Variants in PTPRR observed in about 807,000 individuals in gnomAD.
PTPRR encodes the protein protein tyrosine phosphatase receptor type R.
PTPRR carries 38 observed loss-of-function variants against 77.2 expected under a neutral mutation model. That is an observed-to-expected ratio of 0.49 (90% CI 0.38 to 0.65). The LOEUF (loss-of-function observed/expected upper bound fraction) is 0.65, where lower values mean the gene tolerates loss of function less well. Ranked by LOEUF, PTPRR falls within the 30% of genes least tolerant of loss-of-function variation. The pLI, the probability that PTPRR is intolerant of heterozygous loss-of-function variation, is 0.00. For synonymous variants in PTPRR, 299 were observed against 283.1 expected, an observed-to-expected ratio of 1.06 and a Z score of -0.57; for missense variants, 744 against 799.2, an observed-to-expected ratio of 0.93 and a Z score of 0.83.
intron 2 of PTPRR, among the ~76,000 whole-genome samples, chr12:70,848,870 A>G (rs1892528369): frequency 6.6e-6 from 1 of 152,190 alleles, no homozygotes; most frequent in Non-Finnish European, 1.5e-5. Flanking sequence ...GTATCACTCA[A>G]CCAAACACAA....
At chr12:70,706,645 C>T (rs1174673265) in intron 6 of PTPRR, among the ~76,000 whole-genome samples, 1 of 151,888 alleles carries the variant, frequency 6.6e-6, no homozygotes, top group Non-Finnish European at 1.5e-5. Flanking sequence ...GATGTCTGAC[C>T]TTTTATATGT....
At chr12:70,842,869 T>G (rs1057385375) in intron 2 of PTPRR, among the ~76,000 whole-genome samples, 1 of 152,216 alleles carries the variant, frequency 6.6e-6, no homozygotes, top group African/African-American at 2.4e-5. Flanking sequence ...CATTTAAAAC[T>G]GTTTTGCTTG....
At chr12:70,836,568 C>T (rs1892308445) in intron 2 of PTPRR, among the ~76,000 whole-genome samples, 1 of 152,148 alleles carries the variant, frequency 6.6e-6, no homozygotes, top group African/African-American at 2.4e-5. Context: ...TCTCATCACT[C>T]TCCTGCCCTT....
Position 70,836,026 on chromosome 12 carries a change from G to C in PTPRR, c.357+56653C>G, listed in dbSNP as rs74926523. Among the ~76,000 whole-genome samples, 638 of 152,030 alleles carry C rather than the reference G, an allele frequency of 4.2e-3. 5 individuals carry two copies. The highest frequency in any genetic ancestry group is 6.9e-3 in the Non-Finnish European group (472 of 67,970). ...TTCCACTACTGCTCCCACAGATTTG[G>C]CCAATATCTTCTCTTTCCTATTGGG... is the stretch of plus-strand genomic sequence containing the variant. On this transcript the variant is annotated intron_variant, in intron 2 of 13. Transcript: ENST00000283228.
chr12:70,920,667 C>T lies in PTPRR; in HGVS notation c.-277G>A, dbSNP rs1266173850. ...CCTGGCCTTCTGGACGCCCAGAAGC[C>T]AAGGCGGAGACGGCAGGGTGGACTC... is the stretch of plus-strand genomic sequence containing the variant. On this transcript the variant is annotated 5_prime_UTR_variant, in exon 1 of 14. Transcript: ENST00000283228. The T allele has an allele frequency of 2.7e-6, 1 of 368,974 alleles. No individual in the cohort carries two copies. Among genetic ancestry groups the T allele is most frequent in the Non-Finnish European group, 5.2e-6 (1 of 193,126 alleles). 22.9% of individuals were successfully genotyped at this position (368,974 alleles called of 1,614,324 possible). A position where few individuals can be genotyped will look rare whatever the true frequency, so the allele number is the denominator to read the frequency against.
intron 4 of PTPRR, 119 bp from the exon 5 acceptor site, chr12:70,754,420 A>AC (rs957365999): frequency 1.2e-5 from 18 of 1,563,784 alleles, no homozygotes; most frequent in Non-Finnish European, 1.5e-5. Context: ...ACACACCTAC[A>AC]CCCCCCGCTG....
At chr12:70,650,439 C>G (rs1448435548) in intron 13 of PTPRR, among the ~76,000 whole-genome samples, 6 of 142,922 alleles carry the variant, frequency 4.2e-5, no homozygotes, top group Admixed American at 4.1e-4. Flanking sequence ...AAAAAACAAA[C>G]AAAACAAAAC....
intron 2 of PTPRR, among the ~76,000 whole-genome samples, chr12:70,784,529 T>A (rs1891280471): frequency 6.6e-6 from 1 of 152,162 alleles, no homozygotes; most frequent in African/African-American, 2.4e-5. Flanking sequence ...CCCGCTCCAA[T>A]GGGCGGTGCC....
At chr12:70,736,180 G>A (rs987179504) in intron 6 of PTPRR, among the ~76,000 whole-genome samples, 4 of 152,052 alleles carry the variant, frequency 2.6e-5, no homozygotes, top group Admixed American at 6.5e-5. Flanking sequence ...TCAGATTAAG[G>A]AAAAAACTGA....
At chr12:70,759,342 CCA>C (rs146641221) in intron 4 of PTPRR, among the ~76,000 whole-genome samples, 1,817 of 152,164 alleles carry the variant, frequency 0.012, 39 homozygotes, top group African/African-American at 0.042. Flanking sequence ...CTCAAAAAAC[CCA>C]CAGTGTAGAG....
At chr12:70,689,911 G>C (rs1158716878) in intron 8 of PTPRR, among the ~76,000 whole-genome samples, 1 of 152,210 alleles carries the variant, frequency 6.6e-6, no homozygotes, top group African/African-American at 2.4e-5. Flanking sequence ...TTGGTAGGAT[G>C]CACAGCTTAA....
chr12:70,875,374 G>T (rs1363740280), intron 2 of PTPRR, among the ~76,000 whole-genome samples: 1 of 152,146 alleles, frequency 6.6e-6, no homozygotes, highest in African/African-American at 2.4e-5. Context: ...ATAAATGGAA[G>T]AATACATATA....
chr12:70,866,297 TAAAGA>T (rs1162607398), intron 2 of PTPRR, among the ~76,000 whole-genome samples: 11 of 148,798 alleles, frequency 7.4e-5, no homozygotes, highest in African/African-American at 2.5e-4. Context: ...GCAAGACTAA[TAAAGA>T]AAAGAGAGAA....
intron 5 of PTPRR, among the ~76,000 whole-genome samples, chr12:70,747,644 G>A (rs2136932796): frequency 6.6e-6 from 1 of 152,256 alleles, no homozygotes; most frequent in South Asian, 2.1e-4. Flanking sequence ...TGTTTTTGAT[G>A]AGAAACCTTT....
intron 2 of PTPRR, among the ~76,000 whole-genome samples, chr12:70,787,535 T>TA (rs1433551353): frequency 1.3e-5 from 2 of 152,206 alleles, no homozygotes; most frequent in Non-Finnish European, 1.5e-5. Flanking sequence ...TTAAAAGCTA[T>TA]ATAAGCAATA....
chr12:70,683,333 T>A (rs1887744301), intron 10 of PTPRR, among the ~76,000 whole-genome samples: 1 of 152,184 alleles, frequency 6.6e-6, no homozygotes, highest in Admixed American at 6.5e-5. Context: ...ATATCAGCCC[T>A]CAGGAATATT....
chr12:70,745,797 G>T lies in PTPRR; in HGVS notation c.1007+21C>A, dbSNP rs76507476. The T allele has an allele frequency of 6.6e-3, 10,566 of 1,610,896 alleles. 456 individuals carry two copies. In the East Asian group the frequency reaches 0.13, roughly 19 times the overall value. On this transcript the variant is annotated intron_variant, in intron 6 of 13. Transcript: ENST00000283228. ...CTTTTTATAAAAAGCCACACGTAGG[G>T]TATACAGAACAAGCTCTTACCTCTC...
chr12:70,797,263 C>A (rs1050407347), intron 2 of PTPRR, among the ~76,000 whole-genome samples: 4 of 152,148 alleles, frequency 2.6e-5, no homozygotes, highest in African/African-American at 9.7e-5. Flanking sequence ...CATCTCTGCC[C>A]TCACAGTCCT....
At chr12:70,698,437 T>G in intron 7 of PTPRR, 88 bp from the exon 8 acceptor site, 1 of 1,163,856 alleles carries the variant, frequency 8.6e-7, no homozygotes, top group East Asian at 2.5e-5. Context: ...AGAGTTCTAT[T>G]GGACTTCAAA....
Sources: gnomAD v4.1 joint callset for allele counts (sites outside exome capture counted in the v4.1 genomes callset) on GRCh38, gnomAD v4.1.1 for gene constraint, MANE v1.5 for transcripts, NCBI Gene and HGNC (gene_info 2026-07-23, HGNC 2026-07-21) for gene names.